Variants in FBLN5 observed in about 807,000 individuals in gnomAD.
FBLN5 encodes the protein fibulin 5.
A neutral mutation model predicts 61.6 loss-of-function variants in FBLN5; 24 were observed. The ratio of observed to expected loss-of-function variants is 0.39; its 90% confidence interval spans 0.28 to 0.55. The LOEUF is 0.55. Among genes scored for constraint, FBLN5 ranks in the 20% least tolerant of loss-of-function variants. FBLN5 has a pLI of 0.65. For synonymous variants in FBLN5, 213 were observed against 219.8 expected (o/e 0.97, Z 0.27); for missense variants, 470 against 594.1 (o/e 0.79, Z 2.17).
chr14:91,881,454 C>G (rs757875499), intron 8 of FBLN5, 36 bp from the exon 9 acceptor site: 1 of 1,613,544 alleles, frequency 6.2e-7, no homozygotes, highest in South Asian at 1.1e-5. Flanking sequence ...GGAGGCAGGG[C>G]ATTATTGGCC....
intron 4 of FBLN5, among the ~76,000 whole-genome samples, chr14:91,908,503 C>A (rs184133706): frequency 1.3e-5 from 2 of 152,170 alleles, no homozygotes; most frequent in Non-Finnish European, 2.9e-5. Context: ...AACTCAAGGC[C>A]GCCTATTTGA....
intron 6 of FBLN5, among the ~76,000 whole-genome samples, chr14:91,889,864 G>C (rs1889908299): frequency 6.6e-6 from 1 of 152,172 alleles, no homozygotes; most frequent in African/African-American, 2.4e-5. Context: ...TCACACACCT[G>C]TCCCTCAGAG....
At chr14:91,906,438 C>A (rs568218399) in intron 4 of FBLN5, among the ~76,000 whole-genome samples, 1 of 152,248 alleles carries the variant, frequency 6.6e-6, no homozygotes, top group East Asian at 1.9e-4. Flanking sequence ...CTGAAACATA[C>A]CACCTCCCAG....
chr14:91,942,204 G>A lies in FBLN5; in HGVS notation c.72+703C>T, dbSNP rs1363793639. The A allele has an allele frequency of 1.3e-5, 6 of 455,728 alleles. No homozygotes were observed. The East Asian group carries it at 3.5e-4, about 26-fold the overall frequency. 28.2% of individuals were successfully genotyped at this position (455,728 alleles called of 1,614,324 possible). On this transcript the variant is annotated intron_variant, in intron 2 of 10. Transcript: ENST00000342058. Reference sequence around the variant, plus strand: ...TGCTTAAAATAAAGTCCAGGATGCTGCAAGCTTCTTCCAGAACCCCTAAGG... The same window carrying A: ...TGCTTAAAATAAAGTCCAGGATGCTACAAGCTTCTTCCAGAACCCCTAAGG...
intron 4 of FBLN5, among the ~76,000 whole-genome samples, chr14:91,922,934 G>C (rs573661110): frequency 6.6e-6 from 1 of 152,266 alleles, no homozygotes; most frequent in African/African-American, 2.4e-5. Context: ...ACTTTGACCA[G>C]GACCCTGAGA....
At chr14:91,934,067 A>G (rs923072507) in intron 4 of FBLN5, among the ~76,000 whole-genome samples, 2 of 151,936 alleles carry the variant, frequency 1.3e-5, no homozygotes, top group Non-Finnish European at 2.9e-5. Context: ...ATCGAGGATC[A>G]TGGTGGCACA....
chr14:91,894,285 G>T (rs1890115728), intron 5 of FBLN5, among the ~76,000 whole-genome samples: 1 of 150,284 alleles, frequency 6.7e-6, no homozygotes, highest in Non-Finnish European at 1.5e-5. Flanking sequence ...TGAAACGCCA[G>T]CTACTCACTC....
intron 10 of FBLN5, among the ~76,000 whole-genome samples, chr14:91,876,797 G>C (rs188547968): frequency 1.3e-5 from 2 of 152,298 alleles, no homozygotes; most frequent in East Asian, 1.9e-4. Flanking sequence ...AGAACTATGA[G>C]AGAATAAATT....
At chr14:91,916,353 CAG>C (rs1382429706) in intron 4 of FBLN5, among the ~76,000 whole-genome samples, 1 of 152,200 alleles carries the variant, frequency 6.6e-6, no homozygotes, top group East Asian at 1.9e-4. Flanking sequence ...GAGGCTGAGA[CAG>C]AGAATCGCTT....
intron 2 of FBLN5, among the ~76,000 whole-genome samples, chr14:91,942,686 G>A (rs1278773126): frequency 3.3e-5 from 5 of 152,144 alleles, no homozygotes; most frequent in Non-Finnish European, 7.3e-5. Context: ...AGGAAACTGA[G>A]TACCAGCCCC....
intron 5 of FBLN5, among the ~76,000 whole-genome samples, chr14:91,892,213 G>A (rs1402212023): frequency 6.6e-6 from 1 of 152,170 alleles, no homozygotes; most frequent in Non-Finnish European, 1.5e-5. Context: ...TCATTCCTGT[G>A]GGGTAAGGGT....
intron 10 of FBLN5, chr14:91,874,480 C>T (rs970506575): frequency 2.6e-5 from 4 of 152,186 alleles, no homozygotes; most frequent in African/African-American, 9.7e-5. Flanking sequence ...AAAAGTATAA[C>T]AGCACAGATT....
In FBLN5 at chr14:91,881,376, T is replaced by G; in HGVS notation, c.905A>C (p.Gln302Pro). Residue 302 changes from glutamine (Q) to proline (P), a missense_variant, in exon 9 of 11, where the codon CAG (glutamine) becomes CCG (proline). Gln to Pro is a moderately conservative substitution (Grantham distance 76, BLOSUM62 -1). Coordinates refer to ENST00000342058, the MANE Select transcript of FBLN5 (RefSeq NM_006329.4). ...CCCTTGTAAATTGTAGCACGTCTGCTGCAGGTTGCACGTGTGGTTCCTGTG... is the reference window on the plus strand; with the variant it reads ...CCCTTGTAAATTGTAGCACGTCTGCGGCAGGTTGCACGTGTGGTTCCTGTG... Reference protein sequence around the residue: ...CEHRNHTCNLQQTCYNLQGGF... With the variant: ...CEHRNHTCNLPQTCYNLQGGF... 1 of 1,614,214 alleles carries G rather than the reference T, an allele frequency of 6.2e-7. No individual in the cohort carries two copies. The highest frequency in any genetic ancestry group is 8.5e-7 in the Non-Finnish European group (1 of 1,180,018).
chr14:91,889,929 C>T (rs776459210), intron 6 of FBLN5, among the ~76,000 whole-genome samples: 2 of 152,202 alleles, frequency 1.3e-5, no homozygotes, highest in Non-Finnish European at 2.9e-5. Context: ...TCAGGAGGTA[C>T]TGGGGGCACG....
In FBLN5 at chr14:91,869,577, G is replaced by A. The variant is rs10197; in HGVS notation, c.*647C>T. 2.5e-3 allele frequency: 388 copies of A among 154,688 alleles called. 1 individual carries two copies. Among genetic ancestry groups the A allele is most frequent in the Non-Finnish European group, 4.3e-3 (296 of 69,600 alleles). 9.6% of individuals were successfully genotyped at this position (154,688 alleles called of 1,614,324 possible). A position where few individuals can be genotyped will look rare whatever the true frequency, so the allele number is the denominator to read the frequency against. On this transcript the variant is annotated 3_prime_UTR_variant, in exon 11 of 11. Coordinates refer to ENST00000342058, the MANE Select transcript of FBLN5 (RefSeq NM_006329.4). ...CATAGCATGTGTCTGAAGGCCTTTC[G>A]AAGGAATTCTACGACATATTTTTTA...
chr14:91,899,957 C>T (rs911728242), intron 4 of FBLN5, among the ~76,000 whole-genome samples: 8 of 152,230 alleles, frequency 5.3e-5, no homozygotes, highest in South Asian at 2.1e-4. Flanking sequence ...TTGTGACTCA[C>T]GGACAGCACA....
intron 1 of FBLN5, chr14:91,946,645 C>G: frequency 2.3e-6 from 3 of 1,320,358 alleles, no homozygotes; most frequent in South Asian, 2.5e-5. Flanking sequence ...GTAAAGTTCT[C>G]CAAGACTTAA....
Position 91,880,677 on chromosome 14 carries a change from A to C in FBLN5, c.989+615T>G, listed in dbSNP as rs144029484. Among the ~76,000 whole-genome samples, 55 of 152,156 alleles carry C rather than the reference A, an allele frequency of 3.6e-4. 1 individual carries two copies. The East Asian group carries it at 0.01, about 28-fold the overall frequency. ...ATTCTCATGCCTCAGCCTCCTGAGT[A>C]GCTGGGACTACAGGCCCGTGCCACC... On this transcript the variant is annotated intron_variant, in intron 9 of 10. Transcript: ENST00000342058.
Position 91,940,549 on chromosome 14 carries a change from CCA to C in FBLN5, c.124+14_124+15del. ...GAATGCCTCCACCCCAATGAAGGAT[CCA>C]CAGTGGCTCATACCTAAACACTGTC... On this transcript the variant is annotated intron_variant, in intron 3 of 10. Coordinates refer to ENST00000342058, the MANE Select transcript of FBLN5 (RefSeq NM_006329.4). The C allele has an allele frequency of 6.2e-7, 1 of 1,610,358 alleles. No individual in the cohort carries two copies. Among genetic ancestry groups the C allele is most frequent in the Non-Finnish European group, 8.5e-7 (1 of 1,176,886 alleles).
Sources: allele counts gnomAD v4.1 joint callset (sites outside exome capture counted in the v4.1 genomes callset), GRCh38; gene constraint gnomAD v4.1.1; transcripts MANE v1.5; gene names NCBI Gene and HGNC (gene_info 2026-07-23, HGNC 2026-07-21).